Variants in ZNF749 observed in about 807,000 individuals in gnomAD.
ZNF749 encodes zinc finger protein 749.
In ZNF749, 8 loss-of-function variants were observed where a neutral mutation model predicts 7.3. That is an observed-to-expected ratio of 1.10 (90% CI 0.64 to 1.98). ZNF749 has a LOEUF of 1.98. Ranked by LOEUF, ZNF749 falls within the 30% of genes most tolerant of loss-of-function variation. The pLI, the probability that ZNF749 is intolerant of heterozygous loss-of-function variation, is 0.00. For missense variants in ZNF749, 898 were observed against 932.4 expected (o/e 0.96, Z 0.48); for synonymous variants, 310 against 322.4 (o/e 0.96, Z 0.41).
chr19:57,434,929 G>A (rs533749425), upstream of ZNF749, among the ~76,000 whole-genome samples: 6 of 152,290 alleles, frequency 3.9e-5, no homozygotes, highest in African/African-American at 1.2e-4. Context: ...CGCTTCTGAT[G>A]TTCTTCCTTT....
intron 1 of ZNF749, among the ~76,000 whole-genome samples, chr19:57,441,507 G>C (rs1374692172): frequency 6.6e-6 from 1 of 152,154 alleles, no homozygotes; most frequent in Non-Finnish European, 1.5e-5. Flanking sequence ...GGAAATACTA[G>C]ATTTGGTTAG....
chr19:57,434,193 G>T (rs1394070388), upstream of ZNF749, among the ~76,000 whole-genome samples: 2 of 152,174 alleles, frequency 1.3e-5, no homozygotes, highest in Admixed American at 1.3e-4. Context: ...CGCCTCCCGG[G>T]TTCAAGCGAT....
At position 57,435,692 on chromosome 19, in the gene ZNF749, A is replaced by G. The variant is rs934846683; in HGVS notation, c.15+99A>G. ...GGTTAGGCCCTTGTGTCTCTAAGAG[A>G]GGGGCGTTCTTGTGTGGGGTGCCCG... On this transcript the variant is annotated intron_variant, in intron 1 of 2. Coordinates refer to ENST00000334181, the MANE Select transcript of ZNF749 (RefSeq NM_001023561.4). The G allele has an allele frequency of 4.0e-5, 60 of 1,514,666 alleles. No individual in the cohort carries two copies. In the African/African-American group the frequency reaches 7.3e-4, roughly 19 times the overall value. 93.8% of individuals were successfully genotyped at this position (1,514,666 alleles called of 1,614,324 possible). A position where few individuals can be genotyped will look rare whatever the true frequency, so the allele number is the denominator to read the frequency against.
upstream of ZNF749, among the ~76,000 whole-genome samples, chr19:57,433,952 G>C (rs1424357777): frequency 6.6e-6 from 1 of 152,066 alleles, no homozygotes; most frequent in Admixed American, 6.5e-5. Flanking sequence ...AGCCAGGGAC[G>C]GTGTCCTGTA....
rs1488222798 is a variant in ZNF749, at chr19:57,444,243, C to T, written c.1095C>T (p.Asp365=). 4 of 1,613,998 alleles carry T rather than the reference C, an allele frequency of 2.5e-6. No homozygotes were observed. The African/African-American group carries it at 4.0e-5, about 16-fold the overall frequency. Residue 365 remains aspartate (D), a synonymous_variant, in exon 3 of 3, where the codon GAC becomes GAT. Transcript: ENST00000334181. ...GTGAATGTGGGAAATTGTTTATGGA[C>T]AGCTTCACACTCGGTAGACATCAGA... The part of the protein sequence containing the change: ...ECSECGKLFM[D]SFTLGRHQRV...
Position 57,443,811 on chromosome 19 carries a change from G to A in ZNF749, c.663G>A (p.Glu221=). 1.2e-6 allele frequency: 2 copies of A among 1,614,198 alleles called. No individual in the cohort carries two copies. The highest frequency in any genetic ancestry group is 1.1e-5 in the South Asian group (1 of 91,076). The part of the protein sequence containing the change: ...LFEHQKTHNG[E]RPYEFSECGE... ...AGCACCAAAAAACCCATAATGGGGA[G>A]AGGCCTTATGAGTTCAGTGAATGTG... The change falls in exon 3 of 3, where the codon GAG becomes GAA. Residue 221 remains glutamate (E), a synonymous_variant. Transcript: ENST00000334181.
At chr19:57,438,997 G>A (rs1367795423) in intron 1 of ZNF749, among the ~76,000 whole-genome samples, 1 of 152,210 alleles carries the variant, frequency 6.6e-6, no homozygotes, top group Non-Finnish European at 1.5e-5. Context: ...GGCATACAGG[G>A]CATGCGGGAT....
chr19:57,435,421 GA>G lies in ZNF749; in HGVS notation c.-155del, dbSNP rs1377204856. ...CAGAGCTCTGGGTCGGGACTGAGGT[GA>G]AAGAGCGGAAAAACGCGAGAAGCGG... is the stretch of plus-strand genomic sequence containing the variant. On this transcript the variant is annotated 5_prime_UTR_variant, in exon 1 of 3. Transcript: ENST00000334181. The G allele has an allele frequency of 5.3e-5, 59 of 1,118,738 alleles. No homozygotes were observed. Among genetic ancestry groups the G allele is most frequent in the Non-Finnish European group, 7.0e-5 (54 of 772,780 alleles). The allele number at this position is 1,118,738 out of a possible 1,614,324, so 69.3% of individuals were successfully genotyped here.
upstream of ZNF749, among the ~76,000 whole-genome samples, chr19:57,433,421 C>G: frequency 6.6e-6 from 1 of 151,504 alleles, no homozygotes; most frequent in Non-Finnish European, 1.5e-5. Flanking sequence ...GGGTCAGAGT[C>G]AATTTTTATA....
intron 1 of ZNF749, among the ~76,000 whole-genome samples, chr19:57,438,781 C>T (rs1055190344): frequency 3.3e-5 from 5 of 152,250 alleles, no homozygotes; most frequent in South Asian, 2.1e-4. Flanking sequence ...TGTGGTTCCA[C>T]GACAACCAGG....
chr19:57,445,618 C>T lies in ZNF749; in HGVS notation c.*133C>T, dbSNP rs1017131423. ...TCAGATGGAAATCTGCGAGGATTTC[C>T]TGCTGGGAACTACATTAAAAACATT... On this transcript the variant is annotated 3_prime_UTR_variant, in exon 3 of 3. Transcript: ENST00000334181. 61 of 1,413,540 alleles carry T rather than the reference C, an allele frequency of 4.3e-5. No individual in the cohort carries two copies. Among genetic ancestry groups the T allele is most frequent in the Non-Finnish European group, 5.7e-5 (61 of 1,064,678 alleles). 87.6% of individuals were successfully genotyped at this position (1,413,540 alleles called of 1,614,324 possible). A position where few individuals can be genotyped will look rare whatever the true frequency, so the allele number is the denominator to read the frequency against.
rs1413466786 is a variant in ZNF749, at chr19:57,444,179, A to G, written c.1031A>G (p.His344Arg). ...ATGTATAACTCCAAACTCATCAGAC[A>G]TCAGAAAGTTCACACTGGGGAGAGG... Reference protein sequence around the residue: ...FFMYNSKLIRHQKVHTGERRY... With the variant: ...FFMYNSKLIRRQKVHTGERRY... The change falls in exon 3 of 3, where the codon CAT (histidine) becomes CGT (arginine). Residue 344 changes from histidine to arginine, a missense_variant. Coordinates refer to ENST00000334181, the MANE Select transcript of ZNF749 (RefSeq NM_001023561.4). The G allele has an allele frequency of 6.2e-7, 1 of 1,614,186 alleles. No homozygotes were observed. Among genetic ancestry groups the G allele is most frequent in the Non-Finnish European group, 8.5e-7 (1 of 1,180,046 alleles).
At chr19:57,430,868 C>T (rs577356261), upstream of ZNF749, among the ~76,000 whole-genome samples, 34 of 151,796 alleles carry the variant, frequency 2.2e-4, no homozygotes, top group Non-Finnish European at 3.8e-4. Flanking sequence ...GGTGAAACCC[C>T]GTCTTTACTA....
At position 57,444,471 on chromosome 19, in the gene ZNF749, T is replaced by G; in HGVS notation, c.1323T>G (p.Thr441=). ...CTGGAGAACGGCCTTATGAGTGCACTGAATGTGAGAAGGCCTTTGTTAGAA... is the reference window on the plus strand; with the variant it reads ...CTGGAGAACGGCCTTATGAGTGCACGGAATGTGAGAAGGCCTTTGTTAGAA... ...IHTGERPYEC[T]ECEKAFVRKS... The change falls in exon 3 of 3, where the codon ACT becomes ACG. Residue 441 remains threonine (T), a synonymous_variant. Coordinates refer to ENST00000334181, the MANE Select transcript of ZNF749 (RefSeq NM_001023561.4). 1 of 1,614,050 alleles carries G rather than the reference T, an allele frequency of 6.2e-7. No homozygotes were observed. Among genetic ancestry groups the G allele is most frequent in the Non-Finnish European group, 8.5e-7 (1 of 1,179,906 alleles).
chr19:57,435,313 T>G, upstream of ZNF749: 1 of 594,750 alleles, frequency 1.7e-6, no homozygotes, highest in South Asian at 2.0e-5. Flanking sequence ...AGGTCTCAAT[T>G]GTGTGGGCGG....
the ZNF749 span, among the ~76,000 whole-genome samples, chr19:57,429,148 C>T: frequency 6.6e-6 from 1 of 152,098 alleles, no homozygotes; most frequent in Non-Finnish European, 1.5e-5. This position sits in a 1 kb window ranked among gnomAD's most constrained non-coding sequence, Gnocchi z 4.2. Flanking sequence ...CCTTAGCCTC[C>T]TGAGTAGCTG....
In ZNF749 at chr19:57,439,585, T is replaced by C. The variant is rs1393756865; in HGVS notation, c.16-2300T>C. Among the ~76,000 whole-genome samples the C allele has an allele frequency of 1.3e-5, 2 of 151,346 alleles. No individual in the cohort carries two copies. Among genetic ancestry groups the C allele is most frequent in the East Asian group, 3.9e-4 (2 of 5,160 alleles). ...GCCAGCCTGGGCAACATAGGGAGAC[T>C]CTGTCCCTACAAATAATAATAAATA... On this transcript the variant is annotated intron_variant, in intron 1 of 2. Transcript: ENST00000334181. This position sits in a 1 kb window ranked among gnomAD's most constrained non-coding sequence, Gnocchi z 4.3.
chr19:57,444,832 G>C lies in ZNF749; in HGVS notation c.1684G>C (p.Gly562Arg), dbSNP rs2089042137. The C allele has an allele frequency of 1.9e-6, 3 of 1,613,978 alleles. No homozygotes were observed. The highest frequency in any genetic ancestry group is 2.5e-6 in the Non-Finnish European group (3 of 1,179,966). Residue 562 changes from glycine (G) to arginine (R), a missense_variant, in exon 3 of 3, where the codon GGG becomes CGG. Physicochemically the swap from Gly to Arg is moderately radical, Grantham distance 125. Transcript: ENST00000334181. ...AAGGCCTTATGTGTGTAGTGAATGT[G>C]GGAAGGCCTTCCTTACACAGGCTCA... ...RPRPYVCSEC[G>R]KAFLTQAHLD...
chr19:57,432,269 G>T (rs567875942), upstream of ZNF749, among the ~76,000 whole-genome samples: 41 of 151,124 alleles, frequency 2.7e-4, no homozygotes, highest in Non-Finnish European at 5.2e-4. Flanking sequence ...GCAATGTCAC[G>T]GGAGCCAATT....
Sources: gnomAD v4.1 joint callset for allele counts (sites outside exome capture counted in the v4.1 genomes callset) on GRCh38, gnomAD v4.1.1 for gene constraint, Gnocchi (gnomAD v3.1) non-coding constraint, MANE v1.5 for transcripts, NCBI Gene and HGNC (gene_info 2026-07-23, HGNC 2026-07-21) for gene names.